The following DENND1B variants were observed in gnomAD, a reference collection of about 807,000 sequenced individuals.
DENND1B encodes DENN domain-containing protein 1B.
A neutral mutation model predicts 90.1 loss-of-function variants in DENND1B; 59 were observed. The ratio of observed to expected loss-of-function variants is 0.65; its 90% CI spans 0.53 to 0.81. The LOEUF (loss-of-function observed/expected upper bound fraction) is 0.81. Ranked by LOEUF, DENND1B falls within the 40% of genes least tolerant of loss-of-function variation. The pLI is 0.00. For synonymous variants in DENND1B, 337 were observed against 324.6 expected (o/e 1.04, Z -0.41); for missense variants, 862 against 912.6 (o/e 0.94, Z 0.71).
intron 2 of DENND1B, among the ~76,000 whole-genome samples, chr1:197,746,536 C>T (rs1663774645): frequency 6.6e-6 from 1 of 152,118 alleles, no homozygotes; most frequent in Non-Finnish European, 1.5e-5. Flanking sequence ...TCTTACATTT[C>T]TTATACAAAT....
chr1:197,658,998 A>G (rs763435311), intron 5 of DENND1B, among the ~76,000 whole-genome samples: 20 of 151,004 alleles, frequency 1.3e-4, no homozygotes, highest in Non-Finnish European at 2.5e-4. Context: ...TCATTTATAT[A>G]AAACAAAATC....
chr1:197,604,965 T>C (rs1187850346), intron 13 of DENND1B, among the ~76,000 whole-genome samples: 1 of 151,146 alleles, frequency 6.6e-6, no homozygotes, highest in African/African-American at 2.4e-5. Flanking sequence ...AGAAAATTAC[T>C]ATAACTTTAA....
At chr1:197,760,370 C>G (rs961967896) in intron 2 of DENND1B, among the ~76,000 whole-genome samples, 2 of 152,020 alleles carry the variant, frequency 1.3e-5, no homozygotes, top group Non-Finnish European at 2.9e-5. Context: ...AAATTACTGG[C>G]CAGTCATAGT....
At chr1:197,644,907 T>C (rs1220759957) in intron 9 of DENND1B, among the ~76,000 whole-genome samples, 1 of 152,166 alleles carries the variant, frequency 6.6e-6, no homozygotes, top group East Asian at 1.9e-4. Context: ...TTCCTTTACT[T>C]TTGATTGAGT....
chr1:197,671,368 C>T (rs1655486701), intron 5 of DENND1B, among the ~76,000 whole-genome samples: 1 of 152,112 alleles, frequency 6.6e-6, no homozygotes, highest in African/African-American at 2.4e-5. Flanking sequence ...CTCTAAACTA[C>T]CTACTGAATC....
intron 15 of DENND1B, among the ~76,000 whole-genome samples, chr1:197,562,319 AC>A (rs1480457953): frequency 6.6e-6 from 1 of 151,922 alleles, no homozygotes; most frequent in Non-Finnish European, 1.5e-5. Context: ...GACAGCTTTT[AC>A]AAATTGAAGG....
At chr1:197,714,039 C>T (rs1232622584) in intron 3 of DENND1B, among the ~76,000 whole-genome samples, 6 of 62,072 alleles carry the variant, frequency 9.7e-5, no homozygotes, top group Non-Finnish European at 1.5e-4. Context: ...TGCCCAGGCA[C>T]GATCTCGGCT....
chr1:197,766,828 C>T (rs1655759065), intron 2 of DENND1B, among the ~76,000 whole-genome samples: 1 of 152,082 alleles, frequency 6.6e-6, no homozygotes, highest in African/African-American at 2.4e-5. Context: ...CTCCCTCTGT[C>T]ACCTAGACTG....
At chr1:197,770,273 T>A (rs1656255226) in intron 2 of DENND1B, among the ~76,000 whole-genome samples, 1 of 152,146 alleles carries the variant, frequency 6.6e-6, no homozygotes, top group African/African-American at 2.4e-5. Flanking sequence ...CCAGGCTAGA[T>A]ATAAACTGTT....
chr1:197,759,546 G>A (rs1654746311), intron 2 of DENND1B, among the ~76,000 whole-genome samples: 1 of 151,116 alleles, frequency 6.6e-6, no homozygotes, highest in Non-Finnish European at 1.5e-5. Flanking sequence ...GAACCAGCAG[G>A]CCATCTTTGG....
intron 1 of DENND1B, 128 bp from the exon 2 acceptor site, chr1:197,773,060 T>A (rs775503514): frequency 3.9e-6 from 3 of 775,408 alleles, no homozygotes; most frequent in Non-Finnish European, 2.2e-6. Context: ...ATTACTACAG[T>A]ATAGTAGAAA....
In DENND1B at chr1:197,546,777, G is replaced by T; in HGVS notation, c.1241-4C>A. 1 of 1,542,634 alleles carries T rather than the reference G, an allele frequency of 6.5e-7. No individual in the cohort carries two copies. Among genetic ancestry groups the T allele is most frequent in the Non-Finnish European group, 8.7e-7 (1 of 1,144,826 alleles). On this transcript the variant is annotated splice_region_variant and splice_polypyrimidine_tract_variant and intron_variant, in intron 16 of 22. Coordinates refer to ENST00000620048, the MANE Select transcript of DENND1B (RefSeq NM_001195215.2). ...TGTTGATATGACCTCGGGTTCCCTG[G>T]AATATATAAAAATGAGATGCCAGGA... is the stretch of plus-strand genomic sequence containing the variant.
chr1:197,690,560 C>A, intron 3 of DENND1B: 1 of 230,156 alleles, frequency 4.3e-6, no homozygotes, highest in South Asian at 7.4e-5. Context: ...TGGGTGTCTT[C>A]AAAGCAGTGG....
intron 14 of DENND1B, among the ~76,000 whole-genome samples, chr1:197,585,380 G>A (rs1193879677): frequency 6.6e-6 from 1 of 152,166 alleles, no homozygotes; most frequent in Non-Finnish European, 1.5e-5. Flanking sequence ...AGTAACTTTA[G>A]TTTTTATGGG....
At chr1:197,752,839 A>G (rs1196547246) in intron 2 of DENND1B, among the ~76,000 whole-genome samples, 5 of 151,844 alleles carry the variant, frequency 3.3e-5, no homozygotes, top group South Asian at 2.1e-4. Context: ...CCTGTGTCCA[A>G]GTGTTCTCAT....
In DENND1B at chr1:197,651,155, T is replaced by C. The variant is rs528991988; in HGVS notation, c.447+1080A>G. Among the ~76,000 whole-genome samples the C allele has an allele frequency of 3.3e-5, 5 of 152,242 alleles. No homozygotes were observed. The East Asian group carries it at 9.6e-4, about 29-fold the overall frequency. On this transcript the variant is annotated intron_variant, in intron 7 of 22. Transcript: ENST00000620048. ...GAGTTAGCTTTCCTCTCATTTTCTC[T>C]TGCGACATTATATTTTTTATTCTTT...
intron 3 of DENND1B, among the ~76,000 whole-genome samples, chr1:197,702,558 T>C (rs1248790596): frequency 3.3e-5 from 5 of 152,226 alleles, no homozygotes; most frequent in Admixed American, 6.5e-5. Flanking sequence ...TGATATTAAA[T>C]TGACTTAATC....
At chr1:197,698,883 C>T (rs534781021) in intron 3 of DENND1B, among the ~76,000 whole-genome samples, 35 of 152,014 alleles carry the variant, frequency 2.3e-4, no homozygotes, top group Non-Finnish European at 4.1e-4. Flanking sequence ...TCCCTGAATA[C>T]ACCAATAACA....
At chr1:197,653,937 C>CA (rs1046899319) in intron 6 of DENND1B, among the ~76,000 whole-genome samples, 3 of 151,886 alleles carry the variant, frequency 2.0e-5, no homozygotes, top group African/African-American at 7.3e-5. Flanking sequence ...CTTTTCATTG[C>CA]AAAAAAATAA....
Sources: gnomAD v4.1 joint callset for allele counts (sites outside exome capture counted in the v4.1 genomes callset) on GRCh38, gnomAD v4.1.1 for gene constraint, MANE v1.5 for transcripts, NCBI Gene and HGNC (gene_info 2026-07-23, HGNC 2026-07-21) for gene names.